ATOH8: variants seen among roughly 807,000 people sequenced by gnomAD.
ATOH8 encodes the protein atonal bHLH transcription factor 8, also known as transcription factor ATOH8.
Under a neutral mutation model 21.2 loss-of-function variants are expected in ATOH8, and 9 were observed. The observed-to-expected ratio is 0.42, with a 90% CI of 0.26 to 0.74. The LOEUF (loss-of-function observed/expected upper bound fraction) is 0.74. ATOH8 is among the 30% of genes least tolerant of loss of function. The probability of loss-of-function intolerance (pLI) is 0.24; values close to 1 mark genes in which losing one functional copy is unlikely to be tolerated. For synonymous variants in ATOH8, 253 were observed against 224.0 expected (o/e 1.13, Z -1.16); for missense variants, 524 against 470.9 (o/e 1.11, Z -1.04).
Position 85,754,454 on chromosome 2 carries a change from G to T in ATOH8, c.265G>T (p.Gly89Cys), listed in dbSNP as rs747123720. 4 of 1,504,588 alleles carry T rather than the reference G, an allele frequency of 2.7e-6. No homozygotes were observed. The highest frequency in any genetic ancestry group is 5.1e-5 in the East Asian group (2 of 39,558). 93.2% of individuals were successfully genotyped at this position (1,504,588 alleles called of 1,614,324 possible). A position where few individuals can be genotyped will look rare whatever the true frequency, so the allele number is the denominator to read the frequency against. ...PVAPAVPPRG[G>C]TDTAGERGGS... ...GGCGCCGGCCGTTCCCCCAAGAGGG[G>T]GCACGGACACAGCCGGGGAGCGCGG... The change falls in exon 1 of 3, where the codon GGC becomes TGC. Residue 89 changes from glycine (G) to cysteine (C), a missense_variant. Gly to Cys is a radical substitution (Grantham distance 159). Coordinates refer to ENST00000306279, the MANE Select transcript of ATOH8 (RefSeq NM_032827.7).
Position 85,785,051 on chromosome 2 carries a change from G to A in ATOH8, c.961-1834G>A, listed in dbSNP as rs1230716300. Among the ~76,000 whole-genome samples the A allele has an allele frequency of 2.0e-5, 3 of 152,236 alleles. No individual in the cohort carries two copies. Among genetic ancestry groups the A allele is most frequent in the Non-Finnish European group, 4.4e-5 (3 of 68,046 alleles). On this transcript the variant is annotated intron_variant, in intron 2 of 2. Coordinates refer to ENST00000306279, the MANE Select transcript of ATOH8 (RefSeq NM_032827.7). This position sits in a 1 kb window ranked among gnomAD's most constrained non-coding sequence, Gnocchi z 4.1. ...CCTGGATGGTAGCTGTGGCTTCAGC[G>A]GGGACTAAGAGCCAACAGACGGCTT...
intron 1 of ATOH8, among the ~76,000 whole-genome samples, chr2:85,757,234 C>T (rs547208360): frequency 2.6e-5 from 4 of 152,372 alleles, no homozygotes; most frequent in South Asian, 2.1e-4. Flanking sequence ...CAGGACGTTT[C>T]TGGTCATAGA....
rs1020342878 is a variant in ATOH8 at position 85,791,107 on chromosome 2, T to C, written c.*4217T>C. Among the ~76,000 whole-genome samples, 2 of 152,178 alleles carry C rather than the reference T, an allele frequency of 1.3e-5. No homozygotes were observed. The highest frequency in any genetic ancestry group is 4.8e-5 in the African/African-American group (2 of 41,428). On this transcript the variant is annotated 3_prime_UTR_variant, in exon 3 of 3. Coordinates refer to ENST00000306279, the MANE Select transcript of ATOH8 (RefSeq NM_032827.7). ...GGCTTCTCCCTTTGCCCCCAGGTTTTGCCCTCCCACATGTCTCCCTTCTGG... is the reference window on the plus strand; with the variant it reads ...GGCTTCTCCCTTTGCCCCCAGGTTTCGCCCTCCCACATGTCTCCCTTCTGG...
rs1235243327 is a variant in ATOH8 at position 85,788,450 on chromosome 2, T to A, written c.*1560T>A. Among the ~76,000 whole-genome samples the A allele has an allele frequency of 6.6e-6, 1 of 152,122 alleles. No individual in the cohort carries two copies. Among genetic ancestry groups the A allele is most frequent in the Admixed American group, 6.5e-5 (1 of 15,282 alleles). On this transcript the variant is annotated 3_prime_UTR_variant, in exon 3 of 3. Coordinates refer to ENST00000306279, the MANE Select transcript of ATOH8 (RefSeq NM_032827.7). Reference sequence around the variant, plus strand: ...GTCATCGAATCAGGATGGGCTCACTTCAAATCCTGTGCTCTCAAACCTTTT... The same window carrying A: ...GTCATCGAATCAGGATGGGCTCACTACAAATCCTGTGCTCTCAAACCTTTT...
chr2:85,761,864 G>C (rs1441015403), intron 1 of ATOH8, among the ~76,000 whole-genome samples: 1 of 152,226 alleles, frequency 6.6e-6, no homozygotes, highest in Non-Finnish European at 1.5e-5. Flanking sequence ...AAAGTGCATT[G>C]TTCTGCCAGC....
rs533680317 is a variant in ATOH8, at chr2:85,785,575, C to T, written c.961-1310C>T. On this transcript the variant is annotated intron_variant, in intron 2 of 2. Coordinates refer to ENST00000306279, the MANE Select transcript of ATOH8 (RefSeq NM_032827.7). This position sits in a 1 kb window ranked among gnomAD's most constrained non-coding sequence, Gnocchi z 4.1. Reference sequence around the variant, plus strand: ...CCCGGCCCACGGGGCTCACCAGGGCCTGTGGTTAGCAGGCCCTCCACGTCG... The same window carrying T: ...CCCGGCCCACGGGGCTCACCAGGGCTTGTGGTTAGCAGGCCCTCCACGTCG... 2.6e-5 allele frequency among the ~76,000 whole-genome samples: 4 copies of T among 152,352 alleles called. No homozygotes were observed. The highest frequency in any genetic ancestry group is 4.4e-5 in the Non-Finnish European group (3 of 68,030).
At chr2:85,781,986 T>C (rs1680510586) in intron 2 of ATOH8, among the ~76,000 whole-genome samples, 1 of 152,210 alleles carries the variant, frequency 6.6e-6, no homozygotes, top group East Asian at 1.9e-4. Context: ...GGGGCCAAGA[T>C]GAACCCCAGT....
chr2:85,777,062 C>T (rs1485991509), intron 2 of ATOH8, among the ~76,000 whole-genome samples: 3 of 152,098 alleles, frequency 2.0e-5, no homozygotes, highest in Non-Finnish European at 4.4e-5. Flanking sequence ...ACATGAAGGG[C>T]CCTGCCCTGC....
At chr2:85,769,012 T>C (rs1341909289) in intron 2 of ATOH8, among the ~76,000 whole-genome samples, 1 of 152,016 alleles carries the variant, frequency 6.6e-6, no homozygotes, top group African/African-American at 2.4e-5. Context: ...TTTCCACAGC[T>C]CCTGTTTTTA....
rs1680520588 is a variant in ATOH8 at position 85,782,468 on chromosome 2, TA to T, written c.961-4414del. 6.1e-5 allele frequency among the ~76,000 whole-genome samples: 9 copies of T among 148,514 alleles called. No individual in the cohort carries two copies. In the South Asian group the frequency reaches 2.0e-3, roughly 32 times the overall value. ...GAAAACAATTAGAATTTTTTTTTTT[TA>T]AACTGGAAACGAACAAAAGCATAAA... On this transcript the variant is annotated intron_variant, in intron 2 of 2. Transcript: ENST00000306279.
intron 1 of ATOH8, among the ~76,000 whole-genome samples, chr2:85,756,938 C>G (rs949748428): frequency 6.6e-6 from 1 of 152,322 alleles, no homozygotes. Flanking sequence ...TTACTTCCCC[C>G]CTTACCGTGG....
chr2:85,784,857 G>A (rs1483884432), intron 2 of ATOH8, among the ~76,000 whole-genome samples: 4 of 152,248 alleles, frequency 2.6e-5, no homozygotes, highest in Non-Finnish European at 5.9e-5. Flanking sequence ...AGGCCTCCTA[G>A]TGTTCTTCCC....
rs559474868 is a variant in ATOH8 at position 85,788,837 on chromosome 2, G to C, written c.*1947G>C. Among the ~76,000 whole-genome samples, 186 of 152,300 alleles carry C rather than the reference G, an allele frequency of 1.2e-3. No individual in the cohort carries two copies. Among genetic ancestry groups the C allele is most frequent in the African/African-American group, 4.4e-3 (184 of 41,560 alleles). The stretch of plus-strand genomic sequence containing the variant: ...TACCAAGGACCACAGTGTCCATGCT[G>C]TCTTGGATCCCTAGGCTGGCACAGA... On this transcript the variant is annotated 3_prime_UTR_variant, in exon 3 of 3. Coordinates refer to ENST00000306279, the MANE Select transcript of ATOH8 (RefSeq NM_032827.7).
intron 2 of ATOH8, among the ~76,000 whole-genome samples, 196 bp from the exon 3 acceptor site, chr2:85,786,689 C>T (rs758751306): frequency 1.3e-5 from 2 of 152,200 alleles, no homozygotes; most frequent in African/African-American, 2.4e-5. Flanking sequence ...AAATGCAGCA[C>T]TAAGGAACAG....
At chr2:85,777,955 A>G (rs1680374525) in intron 2 of ATOH8, among the ~76,000 whole-genome samples, 1 of 152,154 alleles carries the variant, frequency 6.6e-6, no homozygotes, top group Non-Finnish European at 1.5e-5. Context: ...AGTGGAGACA[A>G]AGTTCCTGTC....
intron 2 of ATOH8, among the ~76,000 whole-genome samples, chr2:85,780,093 C>G (rs1258001567): frequency 6.6e-6 from 1 of 152,170 alleles, no homozygotes; most frequent in Admixed American, 6.5e-5. Context: ...TGGACATGAG[C>G]AGGCCCTCAT....
chr2:85,755,168 C>A (rs1679649631), intron 1 of ATOH8, among the ~76,000 whole-genome samples: 1 of 152,216 alleles, frequency 6.6e-6, no homozygotes, highest in Non-Finnish European at 1.5e-5. Flanking sequence ...GCCCGAGCAC[C>A]CCCCGCCCTC....
intron 2 of ATOH8, chr2:85,774,185 G>A (rs1016277065): frequency 3.5e-5 from 34 of 985,366 alleles, no homozygotes; most frequent in Non-Finnish European, 3.9e-5. Context: ...AGGAGGACCC[G>A]AGGAAGGAAG....
At position 85,754,652 on chromosome 2, in the gene ATOH8, T is replaced by C. The variant is rs1003765039; in HGVS notation, c.463T>C (p.Leu155=). The C allele has an allele frequency of 3.9e-6, 6 of 1,530,048 alleles. No individual in the cohort carries two copies. The African/African-American group carries it at 7.0e-5, about 18-fold the overall frequency. The allele number at this position is 1,530,048 out of a possible 1,614,324, so 94.8% of individuals were successfully genotyped here. A position where few individuals can be genotyped will look rare whatever the true frequency, so the allele number is the denominator to read the frequency against. ...GGAGCCGGGTCTGCGTCCTCGCATC[T>C]TGCTGTGCGCACCGCCCGCGCGCCC... ...FREPGLRPRI[L]LCAPPARPAP... The change falls in exon 1 of 3, where the codon TTG becomes CTG. Residue 155 remains leucine, a synonymous_variant. Transcript: ENST00000306279.
Sources: gnomAD v4.1 joint callset for allele counts (sites outside exome capture counted in the v4.1 genomes callset) on GRCh38, gnomAD v4.1.1 for gene constraint, Gnocchi (gnomAD v3.1) non-coding constraint, MANE v1.5 for transcripts, NCBI Gene and HGNC (gene_info 2026-07-23, HGNC 2026-07-21) for gene names.